RP1: variants seen among roughly 807,000 people sequenced by gnomAD.
RP1 encodes the protein RP1 axonemal microtubule associated, also known as oxygen-regulated protein 1.
RP1 carries 16 observed loss-of-function variants against 14.8 expected under a neutral mutation model. The observed-to-expected ratio is 1.08, with a 90% CI of 0.73 to 1.65. The LOEUF is 1.65. Among genes scored for constraint, RP1 ranks in the 40% most tolerant of loss-of-function variants. The pLI is 0.00. For synonymous variants in RP1, 876 were observed against 883.6 expected (o/e 0.99, Z 0.15); for missense variants, 2,631 against 2,535.0 (o/e 1.04, Z -0.81).
At chr8:54,582,860 A>G (rs1273633947) in intron 1 of RP1, among the ~76,000 whole-genome samples, 1 of 152,126 alleles carries the variant, frequency 6.6e-6, no homozygotes, top group Non-Finnish European at 1.5e-5. Flanking sequence ...GTATCCTGAG[A>G]CTTTGCTGAA....
intron 19 of RP1, among the ~76,000 whole-genome samples, chr8:54,754,275 C>G (rs1471703581): frequency 6.6e-6 from 1 of 151,362 alleles, no homozygotes; most frequent in Non-Finnish European, 1.5e-5. Flanking sequence ...TTTTCAAGTT[C>G]TGATGTATTC....
chr8:54,804,215 C>T (rs1291344294), intron 24 of RP1, among the ~76,000 whole-genome samples: 3 of 151,506 alleles, frequency 2.0e-5, no homozygotes, highest in Non-Finnish European at 4.4e-5. Flanking sequence ...TTTGCAACTC[C>T]GATTTAAAAC....
chr8:54,578,636 T>C (rs1804714210), intron 1 of RP1, among the ~76,000 whole-genome samples: 3 of 152,254 alleles, frequency 2.0e-5, no homozygotes, highest in African/African-American at 7.2e-5. Context: ...TTAAAATTTC[T>C]AATGAAGGTC....
chr8:54,621,457 C>G lies in RP1; in HGVS notation c.491C>G (p.Pro164Arg), dbSNP rs148346976. 5.0e-5 allele frequency: 80 copies of G among 1,613,894 alleles called. No individual in the cohort carries two copies. The highest frequency in any genetic ancestry group is 6.3e-5 in the Non-Finnish European group (74 of 1,180,044). The stretch of plus-strand genomic sequence containing the variant: ...CTAGTGGTCTTCAGGAATGGCGACC[C>G]GAAGACGAGGCGTGCGGTTCTTCTG... ...RSLVVFRNGD[P>R]KTRRAVLLSR... Residue 164 changes from proline to arginine, a missense_variant, in exon 2 of 4, where the codon CCG becomes CGG. Transcript: ENST00000220676.
chr8:54,605,339 T>G (rs375978919), intron 1 of RP1, among the ~76,000 whole-genome samples: 1 of 152,236 alleles, frequency 6.6e-6, no homozygotes, highest in Non-Finnish European at 1.5e-5. Flanking sequence ...TTCCATGTAG[T>G]TGAGCGGTTT....
At chr8:54,847,088 A>G (rs1212036259) in intron 25 of RP1, among the ~76,000 whole-genome samples, 1 of 152,138 alleles carries the variant, frequency 6.6e-6, no homozygotes, top group Non-Finnish European at 1.5e-5. Flanking sequence ...AACCCTCAGC[A>G]TCTGCTGGTG....
intron 24 of RP1, among the ~76,000 whole-genome samples, chr8:54,788,994 C>T (rs112099984): frequency 4.6e-5 from 7 of 152,142 alleles, no homozygotes; most frequent in African/African-American, 1.4e-4. Flanking sequence ...GCATCATACC[C>T]AGCTAGTCCT....
chr8:54,795,413 T>G (rs1276044153), intron 24 of RP1, among the ~76,000 whole-genome samples: 2 of 152,112 alleles, frequency 1.3e-5, no homozygotes, highest in Admixed American at 1.3e-4. Flanking sequence ...GAATATACTA[T>G]GGAAAACATA....
At chr8:54,652,295 A>T (rs1001395369) in intron 4 of RP1, among the ~76,000 whole-genome samples, 1 of 152,192 alleles carries the variant, frequency 6.6e-6, no homozygotes. Flanking sequence ...AGTTTGCCTT[A>T]TAATACTGAT....
At chr8:54,727,524 C>G (rs1400895459) in intron 17 of RP1, among the ~76,000 whole-genome samples, 1 of 151,846 alleles carries the variant, frequency 6.6e-6, no homozygotes, top group Non-Finnish European at 1.5e-5. Context: ...TTCTATATGT[C>G]TTATGAAAAT....
At chr8:54,825,259 G>A (rs1440493439) in intron 24 of RP1, among the ~76,000 whole-genome samples, 1 of 152,136 alleles carries the variant, frequency 6.6e-6, no homozygotes, top group African/African-American at 2.4e-5. Context: ...GTGCCAGGTC[G>A]CTAACACTAT....
chr8:54,662,400 G>A (rs446222), intron 6 of RP1, among the ~76,000 whole-genome samples: 105,559 of 151,882 alleles, frequency 0.7, 37,058 homozygotes, highest in Middle Eastern at 0.84. Context: ...CTGAGGCTTT[G>A]GTTATCCTGT....
intron 12 of RP1, among the ~76,000 whole-genome samples, chr8:54,698,935 G>T (rs1388153104): frequency 6.6e-6 from 1 of 152,128 alleles, no homozygotes; most frequent in African/African-American, 2.4e-5. Context: ...AATACCTAAT[G>T]TAAATGATGA....
chr8:54,572,735 C>T (rs917760555), intron 1 of RP1, among the ~76,000 whole-genome samples: 1 of 152,176 alleles, frequency 6.6e-6, no homozygotes, highest in African/African-American at 2.4e-5. Flanking sequence ...AATGTCTACT[C>T]CTTGCAAGAG....
rs187607292 is a variant in RP1 at position 54,841,543 on chromosome 8, C to T, written c.3835+3874C>T. 7.2e-5 allele frequency among the ~76,000 whole-genome samples: 11 copies of T among 152,314 alleles called. No individual in the cohort carries two copies. In the East Asian group the frequency reaches 2.1e-3, roughly 29 times the overall value. ...AGAAAAGTGTTTTGAGACTACTAGT[C>T]TATAAGTCATCATTCTTTGGGGGCT... On this transcript the variant is annotated intron_variant, in intron 25 of 28. Coordinates refer to the RP1 transcript ENST00000637698.
chr8:54,597,869 GT>G (rs899027617), intron 1 of RP1, among the ~76,000 whole-genome samples: 4 of 149,996 alleles, frequency 2.7e-5, no homozygotes, highest in African/African-American at 4.9e-5. Context: ...GAGACAAAGT[GT>G]TTTTTTTTGG....
rs575787436 is a variant in RP1, at chr8:54,814,059, T to C, written c.3616-23391T>C. Among the ~76,000 whole-genome samples, 29 of 152,308 alleles carry C rather than the reference T, an allele frequency of 1.9e-4. 1 individual carries two copies. The highest frequency in any genetic ancestry group is 5.8e-4 in the African/African-American group (24 of 41,564). On this transcript the variant is annotated intron_variant, in intron 24 of 28. Transcript: ENST00000637698. The stretch of plus-strand genomic sequence containing the variant: ...TCCAGTAAGGATTTAAAATAACTTA[T>C]GTAAAATGTCTGGCAGAGAATCTCC...
intron 24 of RP1, among the ~76,000 whole-genome samples, chr8:54,817,173 C>A (rs559047528): frequency 8.4e-4 from 128 of 152,162 alleles, no homozygotes; most frequent in Middle Eastern, 3.4e-3. Context: ...TGGATAGGTG[C>A]CCTATTTTAT....
chr8:54,670,532 T>C (rs1299645501), intron 7 of RP1, among the ~76,000 whole-genome samples: 3 of 125,786 alleles, frequency 2.4e-5, no homozygotes, highest in African/African-American at 8.8e-5. Context: ...TGTATATATA[T>C]ACATATATAT....
Sources: gnomAD v4.1 joint callset for allele counts (sites outside exome capture counted in the v4.1 genomes callset) on GRCh38, gnomAD v4.1.1 for gene constraint, MANE v1.5 for transcripts, NCBI Gene and HGNC (gene_info 2026-07-23, HGNC 2026-07-21) for gene names.